The following PTPN12 variants were observed in gnomAD, a reference collection of about 807,000 sequenced individuals.
PTPN12 encodes the protein tyrosine-protein phosphatase non-receptor type 12.
A neutral mutation model predicts 97.6 loss-of-function variants in PTPN12; 29 were observed. The observed-to-expected ratio is 0.30, with a 90% CI of 0.22 to 0.41. PTPN12 has a LOEUF of 0.41. PTPN12 is among the 10% of genes least tolerant of loss of function. The probability of loss-of-function intolerance (pLI) is 1.00; values close to 1 mark genes in which losing one functional copy is unlikely to be tolerated. For missense variants in PTPN12, 819 were observed against 926.0 expected (o/e 0.88, Z 1.50); for synonymous variants, 327 against 300.4 (o/e 1.09, Z -0.91).
At chr7:77,573,438 G>A (rs1049514744) in intron 2 of PTPN12, among the ~76,000 whole-genome samples, 3 of 151,988 alleles carry the variant, frequency 2.0e-5, no homozygotes, top group Non-Finnish European at 4.4e-5. Context: ...AAGCTCTCTC[G>A]GGCCTCTTTA....
At chr7:77,557,574 A>G (rs1807779743) in intron 1 of PTPN12, among the ~76,000 whole-genome samples, 1 of 152,140 alleles carries the variant, frequency 6.6e-6, no homozygotes, top group African/African-American at 2.4e-5. Flanking sequence ...AATACAAAAC[A>G]TTTATCATTT....
Position 77,592,395 on chromosome 7 carries a change from T to G in PTPN12, c.492+139T>G, listed in dbSNP as rs1787897972. 4.6e-6 allele frequency: 3 copies of G among 645,798 alleles called. No individual in the cohort carries two copies. The African/African-American group carries it at 5.7e-5, about 12-fold the overall frequency. The allele number at this position is 645,798 out of a possible 1,614,324, so 40.0% of individuals were successfully genotyped here. A position where few individuals can be genotyped will look rare whatever the true frequency, so the allele number is the denominator to read the frequency against. On this transcript the variant is annotated intron_variant, in intron 6 of 17. Coordinates refer to ENST00000248594, the MANE Select transcript of PTPN12 (RefSeq NM_002835.4). ...ACCTATGCTTACATTTAAAAAAATT[T>G]TGTTTATATACTGCTTTTAAATTTG... is the stretch of plus-strand genomic sequence containing the variant.
At chr7:77,584,239 C>T (rs1787614452) in intron 4 of PTPN12, among the ~76,000 whole-genome samples, 1 of 152,152 alleles carries the variant, frequency 6.6e-6, no homozygotes, top group South Asian at 2.1e-4. Context: ...TGTGGAAAAT[C>T]AGTAATGTGA....
At chr7:77,625,428 A>G (rs1409943089) in intron 12 of PTPN12, among the ~76,000 whole-genome samples, 3 of 119,706 alleles carry the variant, frequency 2.5e-5, no homozygotes, top group Non-Finnish European at 5.0e-5. Flanking sequence ...ATTTTTTTGT[A>G]TTTGTTAAAG....
chr7:77,632,007 A>G (rs1481885173), intron 13 of PTPN12, among the ~76,000 whole-genome samples: 1 of 152,222 alleles, frequency 6.6e-6, no homozygotes, highest in Non-Finnish European at 1.5e-5. Flanking sequence ...CAAATGACCA[A>G]AGCTTTCCTT....
intron 5 of PTPN12, among the ~76,000 whole-genome samples, chr7:77,590,299 A>C (rs549027067): frequency 6.6e-6 from 1 of 152,228 alleles, no homozygotes; most frequent in Non-Finnish European, 1.5e-5. Context: ...TGTTAGTCAC[A>C]CCGCTTTCTA....
At chr7:77,629,492 C>G (rs576755392) in intron 13 of PTPN12, among the ~76,000 whole-genome samples, 10 of 151,628 alleles carry the variant, frequency 6.6e-5, no homozygotes, top group Non-Finnish European at 1.3e-4. Context: ...TTTAGTATAT[C>G]AAGCATGTGG....
At chr7:77,564,099 G>C (rs1808122405) in intron 1 of PTPN12, 1 of 232,884 alleles carries the variant, frequency 4.3e-6, no homozygotes, top group Non-Finnish European at 9.0e-6. Context: ...GGCTGGTCTT[G>C]AGCTCCTGAC....
chr7:77,543,877 A>G (rs867667892), intron 1 of PTPN12, among the ~76,000 whole-genome samples: 1 of 152,180 alleles, frequency 6.6e-6, no homozygotes, highest in Non-Finnish European at 1.5e-5. Flanking sequence ...ATAATATTCT[A>G]TTGTATAGAT....
At chr7:77,540,381 G>A (rs1252983836) in intron 1 of PTPN12, among the ~76,000 whole-genome samples, 1 of 151,834 alleles carries the variant, frequency 6.6e-6, no homozygotes, top group African/African-American at 2.4e-5. Context: ...GAGATTACAG[G>A]CGCATGCCAC....
chr7:77,626,752 A>T lies in PTPN12; in HGVS notation c.1073A>T (p.Glu358Val). Residue 358 changes from glutamate (E) to valine (V), a missense_variant, in exon 13 of 18, where the codon GAA becomes GTA. Around this residue, in one of 5 missense-constraint regions of PTPN12, gnomAD observed 607 missense variants for 577.3 expected, o/e 1.05. Transcript: ENST00000248594. ...DAKEEILQPPEPHPVPPILTP... is the reference protein window; with the variant it reads ...DAKEEILQPPVPHPVPPILTP... ...AAAGAAGAAATACTGCAGCCACCGGAACCTCATCCAGTGCCACCCATCTTG... is the reference window on the plus strand; with the variant it reads ...AAAGAAGAAATACTGCAGCCACCGGTACCTCATCCAGTGCCACCCATCTTG... The T allele has an allele frequency of 1.2e-6, 2 of 1,611,758 alleles. No homozygotes were observed. Among genetic ancestry groups the T allele is most frequent in the Non-Finnish European group, 1.7e-6 (2 of 1,179,344 alleles).
At chr7:77,540,931 T>C (rs1806942937) in intron 1 of PTPN12, among the ~76,000 whole-genome samples, 2 of 152,176 alleles carry the variant, frequency 1.3e-5, no homozygotes, top group African/African-American at 4.8e-5. Flanking sequence ...ATTTGGAAAT[T>C]AATAGAATAA....
intron 14 of PTPN12, among the ~76,000 whole-genome samples, chr7:77,634,379 A>G (rs572104027): frequency 6.6e-6 from 1 of 152,220 alleles, no homozygotes; most frequent in Admixed American, 6.5e-5. Flanking sequence ...TTTTACCAAT[A>G]TATTAATTTT....
chr7:77,537,573 A>T lies in PTPN12; in HGVS notation c.27A>T (p.Lys9Asn), dbSNP rs373428891. The T allele has an allele frequency of 6.3e-7, 1 of 1,599,926 alleles. No homozygotes were observed. The highest frequency in any genetic ancestry group is 2.3e-5 in the East Asian group (1 of 42,984). Reference sequence around the variant, plus strand: ...TGGAGCAAGTGGAGATCCTGAGGAAATTCATCCAGAGGGTCCAGGCCATGA... The same window carrying T: ...TGGAGCAAGTGGAGATCCTGAGGAATTTCATCCAGAGGGTCCAGGCCATGA... MEQVEILR[K>N]FIQRVQAMKS... Residue 9 changes from lysine to asparagine, a missense_variant, in exon 1 of 18, where the codon AAA becomes AAT. Lys to Asn is a moderately conservative substitution (Grantham distance 94). Coordinates refer to ENST00000248594, the MANE Select transcript of PTPN12 (RefSeq NM_002835.4).
At position 77,626,843 on chromosome 7, in the gene PTPN12, T is replaced by C. The variant is rs1015044488; in HGVS notation, c.1164T>C (p.His388=). Residue 388 remains histidine, a synonymous_variant, in exon 13 of 18, where the codon CAT becomes CAC. Transcript: ENST00000248594. ...TTVWQDNDRY[H]PKPVLHMVSS... ...TGTGGCAGGACAATGATAGATACCA[T>C]CCAAAGCCAGTGTTGCATATGGTTT... The C allele has an allele frequency of 3.1e-6, 5 of 1,613,940 alleles. No individual in the cohort carries two copies. Among genetic ancestry groups the C allele is most frequent in the Non-Finnish European group, 4.2e-6 (5 of 1,179,904 alleles).
At chr7:77,545,085 C>T (rs1241035162) in intron 1 of PTPN12, among the ~76,000 whole-genome samples, 2 of 152,212 alleles carry the variant, frequency 1.3e-5, no homozygotes, top group African/African-American at 4.8e-5. Flanking sequence ...GCATCCCACA[C>T]CCAATGGATC....
chr7:77,607,048 A>G (rs1327756471), intron 8 of PTPN12, 187 bp from the exon 9 acceptor site: 8 of 488,290 alleles, frequency 1.6e-5, no homozygotes, highest in Non-Finnish European at 2.9e-5. Flanking sequence ...GTGTATATGT[A>G]TATGTATTCT....
chr7:77,630,880 A>G (rs1241165076), intron 13 of PTPN12, among the ~76,000 whole-genome samples: 1 of 152,250 alleles, frequency 6.6e-6, no homozygotes, highest in Admixed American at 6.5e-5. Context: ...AGTTTTTAAC[A>G]GGAAAGGCAG....
chr7:77,564,003 G>T, intron 1 of PTPN12: 1 of 389,644 alleles, frequency 2.6e-6, no homozygotes, highest in South Asian at 1.8e-5. Flanking sequence ...TCAGCCTCCT[G>T]AGTAGCTGGG....
Sources: allele counts gnomAD v4.1 joint callset (sites outside exome capture counted in the v4.1 genomes callset), GRCh38; gene constraint gnomAD v4.1.1; regional missense constraint gnomAD v4.1.1; transcripts MANE v1.5; gene names NCBI Gene and HGNC (gene_info 2026-07-23, HGNC 2026-07-21).